Variants in WWC2 observed in about 807,000 individuals in gnomAD.
WWC2 encodes the protein protein WWC2.
A neutral mutation model predicts 138.5 loss-of-function variants in WWC2; 101 were observed. That is an observed-to-expected ratio of 0.73 (90% CI 0.62 to 0.86). The LOEUF (loss-of-function observed/expected upper bound fraction) is 0.86. Ranked by LOEUF, WWC2 falls within the 40% of genes least tolerant of loss-of-function variation. The pLI is 0.00. For synonymous variants in WWC2, 558 were observed against 538.4 expected, an observed-to-expected ratio of 1.04 and a Z score of -0.50; for missense variants, 1,420 against 1,419.4, an observed-to-expected ratio of 1.00 and a Z score of -0.01.
chr4:183,284,919 TTTATC>T (rs1293593044), intron 19 of WWC2, among the ~76,000 whole-genome samples: 1 of 152,220 alleles, frequency 6.6e-6, no homozygotes, highest in Non-Finnish European at 1.5e-5. Flanking sequence ...GTATTTCTGA[TTTATC>T]TAGTAAGATA....
chr4:183,279,891 A>C (rs1002508128), intron 16 of WWC2, among the ~76,000 whole-genome samples: 2 of 152,028 alleles, frequency 1.3e-5, no homozygotes, highest in Admixed American at 6.6e-5. Context: ...ATACCACTGA[A>C]ATTCTTTATC....
In WWC2 at chr4:183,306,881, C is replaced by CAAAAAAAAAAAAAAAAA. The variant is rs55750701; in HGVS notation, c.3385-5444_3385-5443insAAAAAAAAAAAAAAAAA. 2.5e-4 allele frequency among the ~76,000 whole-genome samples: 21 copies of CAAAAAAAAAAAAAAAAA among 85,100 alleles called. 1 individual carries two copies. The highest frequency in any genetic ancestry group is 3.6e-4 in the African/African-American group (8 of 22,124). 55.8% of individuals were successfully genotyped at this position (85,100 alleles called of 152,430 possible). A position where few individuals can be genotyped will look rare whatever the true frequency, so the allele number is the denominator to read the frequency against. On this transcript the variant is annotated intron_variant, in intron 21 of 22. Transcript: ENST00000403733. The stretch of plus-strand genomic sequence containing the variant: ...CTAACAGCACCAACTATATATGAGG[C>CAAAAAAAAAAAAAAAAA]AAAAAAAAAAAAAAAACTACAAGGA...
Position 183,146,704 on chromosome 4 carries a change from C to A in WWC2, c.132-46895C>A, listed in dbSNP as rs191776594. ...TCTGTATGACAGGGTGGGGCTGGGG[C>A]TGGGGAATGTGACAATGACAACGTT... On this transcript the variant is annotated intron_variant, in intron 1 of 22. Coordinates refer to ENST00000403733, the MANE Select transcript of WWC2 (RefSeq NM_024949.6). 2.7e-3 allele frequency among the ~76,000 whole-genome samples: 411 copies of A among 152,160 alleles called. 3 individuals carry two copies. The highest frequency in any genetic ancestry group is 3.8e-3 in the Non-Finnish European group (258 of 68,006).
rs1737049340 is a variant in WWC2, at chr4:183,253,754, TA to T, written c.954-2del. On this transcript the variant is annotated splice_acceptor_variant, in intron 8 of 22. Transcript: ENST00000403733. LOFTEE classifies it high-confidence loss of function. The stretch of plus-strand genomic sequence containing the variant: ...CATACCTCTTCTATCTTTTTTTTTT[TA>T]GTATGGCCAACTTAAAAATTGAACT... 4.4e-6 allele frequency: 7 copies of T among 1,603,218 alleles called. No homozygotes were observed. In the Admixed American group the frequency reaches 7.0e-5, roughly 16 times the overall value.
chr4:183,104,275 A>G (rs919872282), intron 1 of WWC2, among the ~76,000 whole-genome samples: 4 of 152,208 alleles, frequency 2.6e-5, no homozygotes, highest in Admixed American at 6.5e-5. Context: ...TATACATGGT[A>G]TGTTAAATAA....
intron 21 of WWC2, among the ~76,000 whole-genome samples, chr4:183,300,637 A>G (rs1738805295): frequency 6.6e-6 from 1 of 152,204 alleles, no homozygotes; most frequent in Non-Finnish European, 1.5e-5. Flanking sequence ...GTGGAGAAAG[A>G]TATAGGTATA....
chr4:183,220,527 T>A (rs1459371540), intron 4 of WWC2, among the ~76,000 whole-genome samples: 1 of 146,704 alleles, frequency 6.8e-6, no homozygotes, highest in African/African-American at 2.5e-5. Flanking sequence ...CCCTAGAGTA[T>A]CCACTTTAAA....
At chr4:183,147,401 TA>T (rs1418142282) in intron 1 of WWC2, among the ~76,000 whole-genome samples, 5 of 152,332 alleles carry the variant, frequency 3.3e-5, no homozygotes, top group Admixed American at 6.5e-5. Flanking sequence ...ACTCTTAGAT[TA>T]TTTTCTCTAC....
intron 1 of WWC2, among the ~76,000 whole-genome samples, chr4:183,188,730 C>T (rs1298554373): frequency 2.7e-5 from 4 of 150,902 alleles, no homozygotes; most frequent in South Asian, 4.2e-4. Context: ...CTGCAACCTC[C>T]ACCTCCCGGG....
intron 2 of WWC2, among the ~76,000 whole-genome samples, chr4:183,195,732 A>G (rs1260413303): frequency 1.3e-4 from 20 of 152,152 alleles, no homozygotes; most frequent in Admixed American, 1.2e-3. Flanking sequence ...TCCCTTGCCA[A>G]CTGTGGTTGC....
chr4:183,164,289 TATATATATATACATATATATATTA>T (rs1561443616), intron 1 of WWC2, among the ~76,000 whole-genome samples: 1 of 300 alleles, frequency 3.3e-3, no homozygotes, highest in African/African-American at 5.6e-3. Context: ...TATATATATA[TATATATATATACATATATATATTA>T]TATATACATA....
At chr4:183,215,254 C>G (rs2111253564) in intron 4 of WWC2, among the ~76,000 whole-genome samples, 1 of 152,358 alleles carries the variant, frequency 6.6e-6, no homozygotes, top group South Asian at 2.1e-4. Flanking sequence ...CTCTCTCTCT[C>G]TCTCAAAATA....
chr4:183,135,330 T>G (rs1203881335), intron 1 of WWC2, among the ~76,000 whole-genome samples: 1 of 152,184 alleles, frequency 6.6e-6, no homozygotes, highest in Non-Finnish European at 1.5e-5. Flanking sequence ...TGCCTTTTCT[T>G]CCTATTTAGT....
chr4:183,236,703 A>C (rs568742072), intron 4 of WWC2, among the ~76,000 whole-genome samples: 1 of 152,334 alleles, frequency 6.6e-6, no homozygotes, highest in Non-Finnish European at 1.5e-5. Flanking sequence ...ATTTGAAGTC[A>C]GGTAATGTGA....
intron 2 of WWC2, among the ~76,000 whole-genome samples, chr4:183,201,547 GGC>G (rs1735298507): frequency 6.6e-6 from 1 of 152,214 alleles, no homozygotes; most frequent in Non-Finnish European, 1.5e-5. Context: ...TATCCCTAGA[GGC>G]CAGGTTAAAC....
chr4:183,289,595 A>T lies in WWC2; in HGVS notation c.3344A>T (p.Asp1115Val), dbSNP rs1185816018. 6.2e-6 allele frequency: 10 copies of T among 1,613,736 alleles called. No homozygotes were observed. Among genetic ancestry groups the T allele is most frequent in the African/African-American group, 1.3e-5 (1 of 74,886 alleles). The change falls in exon 21 of 23, where the codon GAT (aspartate) becomes GTT (valine). Residue 1115 changes from aspartate to valine, a missense_variant. Coordinates refer to ENST00000403733, the MANE Select transcript of WWC2 (RefSeq NM_024949.6). ...ETDLPPGVLE[D>V]ERFQRLLKQA... is the part of the protein sequence containing the mutation. ...GACCTTCCACCAGGCGTGCTGGAGGATGAGAGGTTCCAGAGGCTTCTGAAG... is the reference window on the plus strand; with the variant it reads ...GACCTTCCACCAGGCGTGCTGGAGGTTGAGAGGTTCCAGAGGCTTCTGAAG...
At chr4:183,181,532 C>T (rs73870360) in intron 1 of WWC2, among the ~76,000 whole-genome samples, 2,458 of 152,178 alleles carry the variant, frequency 0.016, 69 homozygotes, top group African/African-American at 0.056. Context: ...AAATACAGTA[C>T]GGTACTGTAA....
In WWC2 at chr4:183,315,683, C is replaced by T; in HGVS notation, c.3533C>T (p.Thr1178Ile). ...QSFREKIAYF[T>I]RAKISIPSLP... ...TCTAGGGAGAAGATTGCCTACTTCA[C>T]CAGAGCAAAGATAAGCATCCCATCC... is the stretch of plus-strand genomic sequence containing the variant. Residue 1178 changes from threonine (T) to isoleucine (I), a missense_variant, in exon 23 of 23, where the codon ACC (threonine) becomes ATC (isoleucine). Thr to Ile is a moderately conservative substitution (Grantham distance 89, BLOSUM62 -1). Transcript: ENST00000403733. The T allele has an allele frequency of 6.2e-7, 1 of 1,613,282 alleles. No individual in the cohort carries two copies. Among genetic ancestry groups the T allele is most frequent in the East Asian group, 2.2e-5 (1 of 44,868 alleles).
At chr4:183,250,159 TC>T (rs558888789) in intron 8 of WWC2, among the ~76,000 whole-genome samples, 166 bp downstream of exon 8, 105 of 149,814 alleles carry the variant, frequency 7.0e-4, no homozygotes, top group African/African-American at 2.5e-3. Flanking sequence ...TACCTTTTCT[TC>T]CCCCCGCCCT....
Sources: gnomAD v4.1 joint callset for allele counts (sites outside exome capture counted in the v4.1 genomes callset) on GRCh38, gnomAD v4.1.1 for gene constraint, MANE v1.5 for transcripts, NCBI Gene and HGNC (gene_info 2026-07-23, HGNC 2026-07-21) for gene names.